CSMD1: variants seen among roughly 807,000 people sequenced by gnomAD.
The protein encoded by CSMD1 is CUB and Sushi multiple domains 1.
CSMD1 carries 213 observed loss-of-function variants against 417.5 expected under a neutral mutation model. The observed-to-expected ratio is 0.51, with a 90% CI of 0.46 to 0.57. The LOEUF (loss-of-function observed/expected upper bound fraction) is 0.57. Ranked by LOEUF, CSMD1 falls within the 20% of genes least tolerant of loss-of-function variation. CSMD1 has a pLI of 0.00. For missense variants in CSMD1, 6,923 were observed against 4,529.7 expected (o/e 1.53, Z -15.17); for synonymous variants, 2,862 against 1,736.8 (o/e 1.65, Z -16.11).
intron 3 of CSMD1, among the ~76,000 whole-genome samples, chr8:4,083,336 G>C (rs558391449): frequency 8.9e-4 from 135 of 152,238 alleles, no homozygotes; most frequent in Non-Finnish European, 5.6e-4. Context: ...ATCTCATTGA[G>C]GTTTTGATTT....
chr8:4,036,527 T>C (rs1371531412), intron 3 of CSMD1, among the ~76,000 whole-genome samples: 1 of 152,208 alleles, frequency 6.6e-6, no homozygotes, highest in African/African-American at 2.4e-5. Context: ...GCTACTACCA[T>C]AAAATTGAAT....
At position 3,586,178 on chromosome 8, in the gene CSMD1, C is replaced by G. The variant is rs1284770249; in HGVS notation, c.1180G>C (p.Glu394Gln). The change falls in exon 9 of 70, where the codon GAG becomes CAG. Residue 394 changes from glutamate (E) to glutamine (Q), a missense_variant. Transcript: ENST00000635120. ...SKSITCQRVT[E>Q]TLAAWSDHRP... The stretch of plus-strand genomic sequence containing the variant: ...TGGTCACTCCAAGCAGCGAGCGTCT[C>G]TGTAACTCTCTGACAGGTGATGCTT... 3 of 1,612,764 alleles carry G rather than the reference C, an allele frequency of 1.9e-6. No individual in the cohort carries two copies. The highest frequency in any genetic ancestry group is 2.5e-6 in the Non-Finnish European group (3 of 1,179,430).
At chr8:4,776,525 G>A (rs1183564141) in intron 1 of CSMD1, among the ~76,000 whole-genome samples, 1 of 152,074 alleles carries the variant, frequency 6.6e-6, no homozygotes, top group Admixed American at 6.6e-5. Context: ...CCATAGGAAT[G>A]GTGGCACCAT....
intron 1 of CSMD1, among the ~76,000 whole-genome samples, chr8:4,651,782 G>C (rs1357762308): frequency 6.6e-6 from 1 of 152,190 alleles, no homozygotes; most frequent in African/African-American, 2.4e-5. Context: ...TGGGCAAGCT[G>C]TGTGATTATT....
intron 3 of CSMD1, among the ~76,000 whole-genome samples, chr8:4,243,511 C>G (rs943978897): frequency 6.6e-6 from 1 of 152,138 alleles, no homozygotes; most frequent in Non-Finnish European, 1.5e-5. Flanking sequence ...TTTTAAACAG[C>G]AGGCTTATCT....
chr8:3,240,942 A>G (rs147806704), intron 26 of CSMD1, among the ~76,000 whole-genome samples: 11,695 of 151,776 alleles, frequency 0.077, 618 homozygotes, highest in Admixed American at 0.14. Flanking sequence ...CTTTTAAAGC[A>G]TGCTGTGGGA....
chr8:3,530,853 T>C (rs1429479737), intron 10 of CSMD1, among the ~76,000 whole-genome samples: 4 of 129,968 alleles, frequency 3.1e-5, no homozygotes, highest in East Asian at 2.4e-4. Context: ...TTGACGCCTC[T>C]CCTTTTTCCT....
intron 1 of CSMD1, among the ~76,000 whole-genome samples, chr8:4,827,187 A>G (rs551097292): frequency 1.1e-4 from 17 of 152,328 alleles, no homozygotes; most frequent in African/African-American, 3.4e-4. Flanking sequence ...GCCATGCAAT[A>G]TAACTGAAAA....
intron 65 of CSMD1, among the ~76,000 whole-genome samples, chr8:2,953,685 T>C (rs1246117428): frequency 1.3e-5 from 2 of 152,236 alleles, no homozygotes; most frequent in African/African-American, 4.8e-5. Context: ...GACTGCATCT[T>C]TGCGATTTGC....
intron 3 of CSMD1, among the ~76,000 whole-genome samples, chr8:4,258,030 C>T (rs1044772867): frequency 2.0e-5 from 3 of 151,928 alleles, no homozygotes; most frequent in African/African-American, 7.2e-5. Context: ...TTTCTCACAG[C>T]TGTGGAAGGG....
At chr8:3,625,809 C>T (rs995883836) in intron 7 of CSMD1, among the ~76,000 whole-genome samples, 5 of 151,984 alleles carry the variant, frequency 3.3e-5, no homozygotes, top group African/African-American at 9.7e-5. Flanking sequence ...TTTTTAACAT[C>T]GCCTGCCCTA....
intron 41 of CSMD1, among the ~76,000 whole-genome samples, chr8:3,130,824 C>T (rs145391199): frequency 2.6e-5 from 4 of 152,276 alleles, no homozygotes; most frequent in East Asian, 1.9e-4. Context: ...AGCCTGGGCA[C>T]GGCTGCAGCC....
At chr8:4,251,488 G>C (rs1194307136) in intron 3 of CSMD1, among the ~76,000 whole-genome samples, 7 of 152,128 alleles carry the variant, frequency 4.6e-5, no homozygotes, top group Admixed American at 2.0e-4. Context: ...GCACATATTA[G>C]AAGACAAAGG....
chr8:3,118,474 G>C lies in CSMD1; in HGVS notation c.6355C>G (p.Leu2119Val). 1.2e-6 allele frequency: 2 copies of C among 1,613,894 alleles called. No homozygotes were observed. Among genetic ancestry groups the C allele is most frequent in the Non-Finnish European group, 1.7e-6 (2 of 1,179,840 alleles). ...CAAGTGAGGACAGGATGGCCTATTA[G>C]AATGTACCCAGGATAACACTCGAAA... ...VSFECYPGYILIGHPVLTCQH... is the reference protein window; with the variant it reads ...VSFECYPGYIVIGHPVLTCQH... The change falls in exon 42 of 70, where the codon CTA (leucine) becomes GTA (valine). Residue 2119 changes from leucine to valine, a missense_variant. Transcript: ENST00000635120.
chr8:3,477,693 A>C (rs918293299), intron 11 of CSMD1, among the ~76,000 whole-genome samples: 1 of 152,214 alleles, frequency 6.6e-6, no homozygotes, highest in African/African-American at 2.4e-5. Context: ...AAGCCAAACC[A>C]GAAGGAATTT....
At chr8:3,015,164 T>G (rs1808728896) in intron 52 of CSMD1, among the ~76,000 whole-genome samples, 1 of 152,126 alleles carries the variant, frequency 6.6e-6, no homozygotes, top group Non-Finnish European at 1.5e-5. Flanking sequence ...AATTTGGTTC[T>G]TGTTTCAAGC....
intron 23 of CSMD1, among the ~76,000 whole-genome samples, chr8:3,332,900 G>A (rs1342593519): frequency 1.3e-5 from 2 of 152,326 alleles, no homozygotes; most frequent in East Asian, 3.9e-4. Context: ...AAGTGTGAGA[G>A]CACCAGATGC....
intron 12 of CSMD1, among the ~76,000 whole-genome samples, chr8:3,423,995 G>T (rs1472081712): frequency 6.6e-6 from 1 of 151,932 alleles, no homozygotes; most frequent in Non-Finnish European, 1.5e-5. Flanking sequence ...TTTCTTTGTT[G>T]GTGAAAAAGT....
At chr8:3,195,542 A>C (rs542775256) in intron 33 of CSMD1, among the ~76,000 whole-genome samples, 48 of 152,342 alleles carry the variant, frequency 3.2e-4, no homozygotes, top group Non-Finnish European at 5.3e-4. Context: ...ATTGCGTCTA[A>C]GAATATGTTG....
Sources: allele counts gnomAD v4.1 joint callset (sites outside exome capture counted in the v4.1 genomes callset), GRCh38; gene constraint gnomAD v4.1.1; transcripts MANE v1.5; gene names NCBI Gene and HGNC (gene_info 2026-07-23, HGNC 2026-07-21).